HDAC4: variants seen among roughly 807,000 people sequenced by gnomAD.
The protein encoded by HDAC4 is histone deacetylase A.
Under a neutral mutation model 135.1 loss-of-function variants are expected in HDAC4, and 16 were observed. The ratio of observed to expected loss-of-function variants is 0.12; its 90% CI spans 0.08 to 0.18. The LOEUF (loss-of-function observed/expected upper bound fraction) is 0.18. HDAC4 is among the 10% of genes least tolerant of loss of function. The probability of loss-of-function intolerance (pLI) is 1.00; values close to 1 mark genes in which losing one functional copy is unlikely to be tolerated. For synonymous variants in HDAC4, 685 were observed against 653.4 expected (o/e 1.05, Z -0.74); for missense variants, 1,143 against 1,511.8 (o/e 0.76, Z 4.05).
intron 11 of HDAC4, among the ~76,000 whole-genome samples, chr2:239,129,645 G>A (rs1281040522): frequency 1.3e-5 from 2 of 152,208 alleles, no homozygotes; most frequent in Admixed American, 6.5e-5. Context: ...GGTGCTGGAC[G>A]GCTGTGTCCC....
At chr2:239,266,750 A>G (rs1229024012) in intron 2 of HDAC4, among the ~76,000 whole-genome samples, 295 of 152,092 alleles carry the variant, frequency 1.9e-3, no homozygotes, top group African/African-American at 6.7e-3. Flanking sequence ...CCCAAAGGGG[A>G]CTGTGAGCTT....
chr2:239,260,511 C>A (rs1028099615), intron 2 of HDAC4, among the ~76,000 whole-genome samples: 1 of 152,122 alleles, frequency 6.6e-6, no homozygotes, highest in Non-Finnish European at 1.5e-5. Context: ...GTACAGAATG[C>A]CCCAAACCGG....
intron 14 of HDAC4, among the ~76,000 whole-genome samples, chr2:239,110,929 G>A (rs993823503): frequency 8.5e-5 from 13 of 152,130 alleles, no homozygotes; most frequent in Admixed American, 3.9e-4. Context: ...CCTCAGCCGT[G>A]GTGGACGCCT....
At chr2:239,114,584 T>A (rs2038962497) in intron 13 of HDAC4, among the ~76,000 whole-genome samples, 1 of 152,156 alleles carries the variant, frequency 6.6e-6, no homozygotes, top group African/African-American at 2.4e-5. Flanking sequence ...TGGCTCTGGG[T>A]GCCACAATCG....
At chr2:239,095,435 C>G (rs1362680582) in intron 16 of HDAC4, among the ~76,000 whole-genome samples, 1 of 152,176 alleles carries the variant, frequency 6.6e-6, no homozygotes, top group Non-Finnish European at 1.5e-5. Context: ...TCCAGGACCC[C>G]GAGCCTGGCT....
chr2:239,238,830 T>C (rs540983859), intron 2 of HDAC4, among the ~76,000 whole-genome samples: 1 of 152,318 alleles, frequency 6.6e-6, no homozygotes, highest in South Asian at 2.1e-4. Flanking sequence ...TCCACAAGCA[T>C]CACTCGTGTG....
chr2:239,143,768 G>A (rs1156237315), intron 8 of HDAC4, among the ~76,000 whole-genome samples: 1 of 152,220 alleles, frequency 6.6e-6, no homozygotes, highest in Non-Finnish European at 1.5e-5. Flanking sequence ...GCTTCCCTAG[G>A]TCAACAGCCT....
At chr2:239,065,089 C>T (rs1015902759) in intron 24 of HDAC4, among the ~76,000 whole-genome samples, 8 of 152,220 alleles carry the variant, frequency 5.3e-5, no homozygotes, top group African/African-American at 1.9e-4. Flanking sequence ...GCACCCGGAC[C>T]GTCCTGGAGT....
At chr2:239,281,289 TACAATGAAC>T (rs2050724732) in intron 2 of HDAC4, among the ~76,000 whole-genome samples, 1 of 132,572 alleles carries the variant, frequency 7.5e-6, no homozygotes. Context: ...CACACCACTC[TACAATGAAC>T]ACACCACTCT....
At chr2:239,081,050 G>A (rs1413488205) in intron 22 of HDAC4, 45 bp downstream of exon 22, 1 of 1,440,656 alleles carries the variant, frequency 6.9e-7, no homozygotes, top group Non-Finnish European at 9.7e-7. Flanking sequence ...TGTGCACAGA[G>A]GAAAAGCTGC....
chr2:239,364,728 G>GA (rs1408157185), intron 1 of HDAC4, among the ~76,000 whole-genome samples: 1 of 152,258 alleles, frequency 6.6e-6, no homozygotes, highest in Non-Finnish European at 1.5e-5. Context: ...CTTGCACCAA[G>GA]AAAGATCCAA....
intron 2 of HDAC4, among the ~76,000 whole-genome samples, chr2:239,321,035 T>C (rs916490239): frequency 6.6e-6 from 1 of 152,230 alleles, no homozygotes; most frequent in Admixed American, 6.5e-5. Context: ...AATAACTACA[T>C]AATGTACTGT....
At chr2:239,372,482 G>A (rs1232601685) in intron 1 of HDAC4, among the ~76,000 whole-genome samples, 5 of 152,214 alleles carry the variant, frequency 3.3e-5, no homozygotes, top group African/African-American at 9.6e-5. Context: ...CTGGGCTCCC[G>A]CGCACACACG....
chr2:239,247,233 T>G (rs2048518962), intron 2 of HDAC4, among the ~76,000 whole-genome samples: 1 of 152,164 alleles, frequency 6.6e-6, no homozygotes, highest in Non-Finnish European at 1.5e-5. Flanking sequence ...CACTTCTGTT[T>G]CCCCGCAGGC....
chr2:239,394,620 A>G (rs1346103699), intron 1 of HDAC4, among the ~76,000 whole-genome samples: 1 of 152,224 alleles, frequency 6.6e-6, no homozygotes, highest in Non-Finnish European at 1.5e-5. Flanking sequence ...AGGAGCATGT[A>G]ATCTCCAAAA....
intron 2 of HDAC4, among the ~76,000 whole-genome samples, chr2:239,288,817 A>T (rs76735335): frequency 6.6e-6 from 1 of 152,252 alleles, no homozygotes; most frequent in Non-Finnish European, 1.5e-5. Context: ...TGATGGAGGG[A>T]AAGAGAAGCC....
intron 3 of HDAC4, among the ~76,000 whole-genome samples, 187 bp downstream of exon 3, chr2:239,236,406 G>A (rs999113837): frequency 1.3e-5 from 2 of 152,152 alleles, no homozygotes; most frequent in South Asian, 2.1e-4. Context: ...TACATGGCAC[G>A]GAGCCATTTC....
At chr2:239,227,607 A>G (rs539025326) in intron 3 of HDAC4, among the ~76,000 whole-genome samples, 24 of 152,188 alleles carry the variant, frequency 1.6e-4, no homozygotes, top group Non-Finnish European at 2.8e-4. Flanking sequence ...AAATGCAGAC[A>G]GAGAGAAGGG....
At position 239,079,556 on chromosome 2, in the gene HDAC4, G is replaced by A. The variant is rs556729578; in HGVS notation, c.2750+1539C>T. 3.3e-5 allele frequency among the ~76,000 whole-genome samples: 5 copies of A among 152,358 alleles called. No homozygotes were observed. The South Asian group carries it at 1.0e-3, about 32-fold the overall frequency. On this transcript the variant is annotated intron_variant, in intron 22 of 26. Coordinates refer to ENST00000543185, the MANE Select transcript of HDAC4 (RefSeq NM_001378414.1). ...ACGGACCCCAGTTAGAGAAGAGTGA[G>A]CAGACACTGAGAGGGGTCTCGTGAC...
Sources: allele counts gnomAD v4.1 joint callset (sites outside exome capture counted in the v4.1 genomes callset), GRCh38; gene constraint gnomAD v4.1.1; transcripts MANE v1.5; gene names NCBI Gene and HGNC (gene_info 2026-07-23, HGNC 2026-07-21).